The following EVA1C variants were observed in gnomAD, a reference collection of about 807,000 sequenced individuals.
EVA1C encodes eva-1 homolog C.
In EVA1C, 25 loss-of-function variants were observed where a neutral mutation model predicts 45.4. That is an observed-to-expected ratio of 0.55 (90% confidence interval 0.40 to 0.77). EVA1C has a LOEUF of 0.77. EVA1C is among the 30% of genes least tolerant of loss of function. The pLI, the probability that EVA1C is intolerant of heterozygous loss-of-function variation, is 0.00. For missense variants in EVA1C, 479 were observed against 554.8 expected, an observed-to-expected ratio of 0.86 and a Z score of 1.37; for synonymous variants, 190 against 221.2, an observed-to-expected ratio of 0.86 and a Z score of 1.25.
chr21:32,413,106 G>C, intron 1 of EVA1C, 93 bp downstream of exon 1: 1 of 1,127,114 alleles, frequency 8.9e-7, no homozygotes, highest in Non-Finnish European at 1.2e-6. Context: ...GGACACGGCG[G>C]GGTAGGATTA....
intron 5 of EVA1C, among the ~76,000 whole-genome samples, chr21:32,498,374 GA>G (rs1285759995): frequency 1.3e-5 from 2 of 151,816 alleles, no homozygotes; most frequent in African/African-American, 4.8e-5. Context: ...TTGAACCTGG[GA>G]GGCGGAGTTG....
chr21:32,497,337 C>T (rs1055940476), intron 5 of EVA1C: 13 of 529,348 alleles, frequency 2.5e-5, no homozygotes, highest in Middle Eastern at 5.9e-4. Flanking sequence ...TTAATGGGTC[C>T]GTTGAGCCAA....
At chr21:32,478,787 C>T (rs764673142) in intron 4 of EVA1C, among the ~76,000 whole-genome samples, 6 of 152,228 alleles carry the variant, frequency 3.9e-5, no homozygotes, top group African/African-American at 7.2e-5. Context: ...CATAATTTCC[C>T]GCTGTGGTTT....
chr21:32,422,694 A>G (rs1357560242), intron 1 of EVA1C, among the ~76,000 whole-genome samples: 1 of 152,200 alleles, frequency 6.6e-6, no homozygotes, highest in Non-Finnish European at 1.5e-5. Context: ...AACAACCATC[A>G]GTCCTGAATT....
At chr21:32,424,566 T>C (rs796651204) in intron 1 of EVA1C, among the ~76,000 whole-genome samples, 5 of 152,330 alleles carry the variant, frequency 3.3e-5, no homozygotes, top group African/African-American at 1.2e-4. Flanking sequence ...CATTCTATTA[T>C]CTGAAACCTG....
chr21:32,480,856 A>C (rs2036754224), intron 4 of EVA1C, among the ~76,000 whole-genome samples: 1 of 151,620 alleles, frequency 6.6e-6, no homozygotes. Flanking sequence ...CCAGCTACTC[A>C]GGAGGCTGAG....
intron 3 of EVA1C, among the ~76,000 whole-genome samples, chr21:32,464,786 G>A (rs1473848870): frequency 2.6e-5 from 4 of 152,094 alleles, no homozygotes; most frequent in South Asian, 2.1e-4. Context: ...TGCACCCCCC[G>A]CACTCCAGTC....
At chr21:32,513,166 ATTATT>A (rs1418097691) in intron 7 of EVA1C, among the ~76,000 whole-genome samples, 1 of 149,048 alleles carries the variant, frequency 6.7e-6, no homozygotes, top group Non-Finnish European at 1.5e-5. Context: ...TACTTACTAT[ATTATT>A]TTATTTTATT....
rs140595775 is a variant in EVA1C at position 32,431,781 on chromosome 21, A to G, written c.160+18768A>G. 5.0e-3 allele frequency among the ~76,000 whole-genome samples: 764 copies of G among 152,332 alleles called. 9 individuals are homozygous for G. The highest frequency in any genetic ancestry group is 0.028 in the Admixed American group (435 of 15,300). ...TGCTTTATTATTTTCTAAGTGGCAGATAAGTTATCCTTTACCCCTAAATAT... is the reference window on the plus strand; with the variant it reads ...TGCTTTATTATTTTCTAAGTGGCAGGTAAGTTATCCTTTACCCCTAAATAT... On this transcript the variant is annotated intron_variant, in intron 1 of 7. Transcript: ENST00000300255.
At chr21:32,506,609 C>A (rs1389413632) in intron 7 of EVA1C, among the ~76,000 whole-genome samples, 1 of 152,064 alleles carries the variant, frequency 6.6e-6, no homozygotes, top group East Asian at 1.9e-4. Flanking sequence ...TGCCTCTGGG[C>A]TTGCCTGTGG....
intron 1 of EVA1C, among the ~76,000 whole-genome samples, chr21:32,414,143 T>C (rs1432294757): frequency 6.6e-6 from 1 of 152,184 alleles, no homozygotes; most frequent in Non-Finnish European, 1.5e-5. Flanking sequence ...TTCTTTGCTT[T>C]GAATATGTAA....
rs1158600043 is a variant in EVA1C, at chr21:32,471,325, TTTTTTC to T, written c.634+3483_634+3488del. The stretch of plus-strand genomic sequence containing the variant: ...TCCCCTACTCCCACTCCTTTTTTTC[TTTTTTC>T]TTTTTTTTTTTTTGAGACAGAGTCT... On this transcript the variant is annotated intron_variant, in intron 4 of 7. Coordinates refer to ENST00000300255, the MANE Select transcript of EVA1C (RefSeq NM_058187.5). Among the ~76,000 whole-genome samples, 20 of 118,870 alleles carry T rather than the reference TTTTTTC, an allele frequency of 1.7e-4. 1 individual carries two copies. The highest frequency in any genetic ancestry group is 5.7e-4 in the East Asian group (2 of 3,520). The allele number at this position is 118,870 out of a possible 152,430, so 78.0% of individuals were successfully genotyped here. A position where few individuals can be genotyped will look rare whatever the true frequency, so the allele number is the denominator to read the frequency against.
intron 1 of EVA1C, among the ~76,000 whole-genome samples, chr21:32,439,345 G>A (rs547077747): frequency 8.0e-4 from 122 of 152,282 alleles, no homozygotes; most frequent in Non-Finnish European, 9.8e-4. Flanking sequence ...TGGGCCCTTG[G>A]GGCCATTTGG....
intron 7 of EVA1C, among the ~76,000 whole-genome samples, chr21:32,507,992 T>G (rs1367782321): frequency 6.6e-6 from 1 of 151,924 alleles, no homozygotes; most frequent in Non-Finnish European, 1.5e-5. Flanking sequence ...TGTGTGTGTG[T>G]GGGTGCGTGT....
intron 1 of EVA1C, among the ~76,000 whole-genome samples, chr21:32,437,267 G>C (rs1173149038): frequency 6.6e-6 from 1 of 152,194 alleles, no homozygotes; most frequent in South Asian, 2.1e-4. Context: ...TCTCAGCATG[G>C]GGCCCTGTGT....
At chr21:32,514,133 C>A (rs1023387127) in intron 7 of EVA1C, among the ~76,000 whole-genome samples, 10 of 152,128 alleles carry the variant, frequency 6.6e-5, no homozygotes, top group African/African-American at 2.4e-4. Context: ...ATAAGTGACT[C>A]AAGCGTCCGT....
chr21:32,487,391 A>T lies in EVA1C; in HGVS notation c.635-7636A>T, dbSNP rs372770053. Among the ~76,000 whole-genome samples the T allele has an allele frequency of 2.0e-5, 3 of 152,314 alleles. No homozygotes were observed. In the East Asian group the frequency reaches 5.8e-4, roughly 29 times the overall value. ...ATAAAAGCCCTCAACAATGGGGCTC[A>T]GAGACCTTTCAGCTCAAGGACTCCA... is the stretch of plus-strand genomic sequence containing the variant. On this transcript the variant is annotated intron_variant, in intron 4 of 7. Transcript: ENST00000300255.
At position 32,440,468 on chromosome 21, in the gene EVA1C, T is replaced by C. The variant is rs886637719; in HGVS notation, c.161-12844T>C. 6.6e-5 allele frequency among the ~76,000 whole-genome samples: 10 copies of C among 152,190 alleles called. No individual in the cohort carries two copies. The South Asian group carries it at 8.3e-4, about 13-fold the overall frequency. On this transcript the variant is annotated intron_variant, in intron 1 of 7. Transcript: ENST00000300255. ...GAACAAGGTGTTCATTTTTATAGGA[T>C]TGAAGGCCTTTGGTTGAAAAGGCAT... is the stretch of plus-strand genomic sequence containing the variant.
chr21:32,437,179 C>CTAAACAAAACAAAACA (rs2034989271), intron 1 of EVA1C, among the ~76,000 whole-genome samples: 1 of 136,204 alleles, frequency 7.3e-6, no homozygotes, highest in African/African-American at 2.8e-5. Context: ...CAAAACAAAA[C>CTAAACAAAACAAAACA]AAACATAGAT....
Sources: allele counts gnomAD v4.1 joint callset (sites outside exome capture counted in the v4.1 genomes callset), GRCh38; gene constraint gnomAD v4.1.1; transcripts MANE v1.5; gene names NCBI Gene and HGNC (gene_info 2026-07-23, HGNC 2026-07-21).